ALMS1: variants seen among roughly 807,000 people sequenced by gnomAD.
ALMS1 encodes ALMS1 centrosome and basal body associated protein.
Under a neutral mutation model 352.2 loss-of-function variants are expected in ALMS1, and 271 were observed. That is an observed-to-expected ratio of 0.77 (90% confidence interval 0.70 to 0.85). The LOEUF is 0.85. Among genes scored for constraint, ALMS1 ranks in the 40% least tolerant of loss-of-function variants. The probability of loss-of-function intolerance (pLI) is 0.00; values close to 1 mark genes in which losing one functional copy is unlikely to be tolerated. For synonymous variants in ALMS1, 1,865 were observed against 1,761.2 expected, an observed-to-expected ratio of 1.06 and a Z score of -1.48; for missense variants, 5,445 against 4,870.7, an observed-to-expected ratio of 1.12 and a Z score of -3.51.
chr2:73,501,180 G>GTC (rs1298602304), intron 10 of ALMS1, among the ~76,000 whole-genome samples: 2 of 151,944 alleles, frequency 1.3e-5, no homozygotes, highest in Non-Finnish European at 2.9e-5. Context: ...TGGATTATTT[G>GTC]TCTCAGTATT....
chr2:73,525,482 G>T (rs574912861), intron 11 of ALMS1, among the ~76,000 whole-genome samples: 5 of 152,272 alleles, frequency 3.3e-5, no homozygotes, highest in Admixed American at 1.3e-4. Flanking sequence ...ACTGGGGTGA[G>T]ATGGTATCTC....
At chr2:73,531,287 T>G (rs1481126762) in intron 11 of ALMS1, among the ~76,000 whole-genome samples, 1 of 152,214 alleles carries the variant, frequency 6.6e-6, no homozygotes, top group Admixed American at 6.5e-5. Flanking sequence ...TCTTGAATGC[T>G]TTGCTGTTTA....
At chr2:73,605,153 A>G (rs1675789707) in intron 21 of ALMS1, among the ~76,000 whole-genome samples, 1 of 152,196 alleles carries the variant, frequency 6.6e-6, no homozygotes, top group Non-Finnish European at 1.5e-5. Flanking sequence ...TTTCTTGAAA[A>G]TGAAGAAGTG....
At position 73,426,460 on chromosome 2, in the gene ALMS1, G is replaced by A; in HGVS notation, c.1245G>A (p.Leu415=). 6.2e-7 allele frequency: 1 copy of A among 1,614,074 alleles called. No individual in the cohort carries two copies. The highest frequency in any genetic ancestry group is 8.5e-7 in the Non-Finnish European group (1 of 1,179,920). Residue 415 remains leucine, a synonymous_variant, in exon 6 of 23, where the codon CTG becomes CTA. Coordinates refer to ENST00000613296, the MANE Select transcript of ALMS1 (RefSeq NM_001378454.1). ...ATGACTCCTATTTTGTAGAGGGCCT[G>A]CAGGGGAAGGTTGAGTCTGACGTCA... is the stretch of plus-strand genomic sequence containing the variant. The part of the protein sequence containing the change: ...KQAETYLTKG[L]QGKVESDVIT...
rs1336344990 is a variant in ALMS1 at position 73,537,462 on chromosome 2, C to T, written c.9907+2513C>T. On this transcript the variant is annotated intron_variant, in intron 12 of 22. Coordinates refer to ENST00000613296, the MANE Select transcript of ALMS1 (RefSeq NM_001378454.1). The stretch of plus-strand genomic sequence containing the variant: ...GCTGCCTAGGTCAGTGTTGAAGGTA[C>T]ATCCCAACATATGTGTGGAGCCATT... Among the ~76,000 whole-genome samples the T allele has an allele frequency of 4.6e-5, 7 of 152,176 alleles. No homozygotes were observed. The South Asian group carries it at 1.0e-3, about 23-fold the overall frequency.
chr2:73,589,048 A>G (rs1177288679), intron 16 of ALMS1, among the ~76,000 whole-genome samples: 1 of 152,166 alleles, frequency 6.6e-6, no homozygotes, highest in Non-Finnish European at 1.5e-5. Context: ...TATCACCGGA[A>G]CAAAATATAT....
At position 73,530,993 on chromosome 2, in the gene ALMS1, G is replaced by A. The variant is rs746929886; in HGVS notation, c.9782-3831G>A. Among the ~76,000 whole-genome samples, 5 of 152,322 alleles carry A rather than the reference G, an allele frequency of 3.3e-5. No homozygotes were observed. The East Asian group carries it at 9.7e-4, about 29-fold the overall frequency. ...CCACAAAACCATTTTTCCCTCCTAG[G>A]CCTCCAGGCCTGTGATGGAAGGGAC... On this transcript the variant is annotated intron_variant, in intron 11 of 22. Coordinates refer to ENST00000613296, the MANE Select transcript of ALMS1 (RefSeq NM_001378454.1).
intron 9 of ALMS1, among the ~76,000 whole-genome samples, chr2:73,471,646 A>C (rs937759759): frequency 6.6e-6 from 1 of 151,974 alleles, no homozygotes; most frequent in Non-Finnish European, 1.5e-5. Context: ...GGAAAATGCA[A>C]ATCAAAACCA....
chr2:73,437,873 G>A (rs191877385), intron 7 of ALMS1, among the ~76,000 whole-genome samples: 1 of 152,128 alleles, frequency 6.6e-6, no homozygotes, highest in African/African-American at 2.4e-5. Flanking sequence ...ATTCTACCTG[G>A]TACTCAACCT....
intron 5 of ALMS1, among the ~76,000 whole-genome samples, chr2:73,425,943 G>T (rs954243105): frequency 1.3e-5 from 2 of 152,158 alleles, no homozygotes; most frequent in African/African-American, 4.8e-5. Context: ...CTGCTTCTTT[G>T]AGTGAAAAAT....
Position 73,490,502 on chromosome 2 carries a change from G to A in ALMS1, c.8543G>A (p.Gly2848Asp), listed in dbSNP as rs1010975043. The stretch of plus-strand genomic sequence containing the variant: ...GATAACCATACCCTTATTAGCATGG[G>A]CAGACCAAGTTCCACCCTAGGAGTA... Reference protein sequence around the residue: ...ISDNHTLISMGRPSSTLGVNR... With the variant: ...ISDNHTLISMDRPSSTLGVNR... Residue 2848 changes from glycine (G) to aspartate (D), a missense_variant, in exon 10 of 23, where the codon GGC becomes GAC. By Grantham distance (94) the Gly-to-Asp change is moderately conservative. Coordinates refer to ENST00000613296, the MANE Select transcript of ALMS1 (RefSeq NM_001378454.1). 10 of 1,614,010 alleles carry A rather than the reference G, an allele frequency of 6.2e-6. No homozygotes were observed. Among genetic ancestry groups the A allele is most frequent in the Non-Finnish European group, 8.5e-6 (10 of 1,180,034 alleles).
chr2:73,545,680 A>G (rs1251827950), intron 12 of ALMS1, among the ~76,000 whole-genome samples: 1 of 152,242 alleles, frequency 6.6e-6, no homozygotes, highest in African/African-American at 2.4e-5. Context: ...ATTCGGTGAG[A>G]TGTCTTTAGC....
intron 1 of ALMS1, among the ~76,000 whole-genome samples, chr2:73,402,541 C>T (rs529398375): frequency 3.3e-5 from 5 of 152,010 alleles, no homozygotes; most frequent in East Asian, 3.9e-4. Context: ...ATTACAGGCA[C>T]GAGCCACCGC....
At chr2:73,460,885 T>G (rs978318359) in intron 9 of ALMS1, among the ~76,000 whole-genome samples, 51 of 152,118 alleles carry the variant, frequency 3.4e-4, no homozygotes, top group Admixed American at 1.8e-3. Context: ...GCAGCGAGGC[T>G]GGGGGAGGGG....
At chr2:73,446,209 A>T (rs1217605262) in intron 7 of ALMS1, among the ~76,000 whole-genome samples, 1 of 152,144 alleles carries the variant, frequency 6.6e-6, no homozygotes, top group African/African-American at 2.4e-5. Flanking sequence ...TATCTTATGT[A>T]ACCTGGATCT....
At chr2:73,391,294 C>CTTTTTT (rs397972016) in intron 1 of ALMS1, among the ~76,000 whole-genome samples, 1,170 of 114,690 alleles carry the variant, frequency 0.01, 168 homozygotes, top group African/African-American at 0.046. Context: ...ACGTTTTATT[C>CTTTTTT]TTTTTTTTTT....
intron 15 of ALMS1, among the ~76,000 whole-genome samples, chr2:73,569,541 T>C (rs1558698224): frequency 6.6e-6 from 1 of 152,298 alleles, no homozygotes; most frequent in East Asian, 1.9e-4. Flanking sequence ...CATAATTATG[T>C]TACTCGCCTG....
chr2:73,520,610 A>G (rs1673656462), intron 11 of ALMS1, among the ~76,000 whole-genome samples: 1 of 152,230 alleles, frequency 6.6e-6, no homozygotes, highest in African/African-American at 2.4e-5. Flanking sequence ...GAGCACATAT[A>G]GGAGATGTTT....
intron 16 of ALMS1, 61 bp from the exon 17 acceptor site, chr2:73,599,340 C>T (rs1378887302): frequency 3.7e-6 from 6 of 1,601,528 alleles, no homozygotes; most frequent in Non-Finnish European, 5.1e-6. Context: ...CTTGCTTATC[C>T]TGTGGATAAC....
Sources: gnomAD v4.1 joint callset for allele counts (sites outside exome capture counted in the v4.1 genomes callset) on GRCh38, gnomAD v4.1.1 for gene constraint, MANE v1.5 for transcripts, NCBI Gene and HGNC (gene_info 2026-07-23, HGNC 2026-07-21) for gene names.